Variants in ACTL6A observed in about 807,000 individuals in gnomAD.
ACTL6A encodes actin-like protein 6A.
Under a neutral mutation model 59.2 loss-of-function variants are expected in ACTL6A, and 5 were observed. That is an observed-to-expected ratio of 0.08 (90% CI 0.04 to 0.18). The LOEUF (loss-of-function observed/expected upper bound fraction) is 0.18, where lower values mean the gene tolerates loss of function less well. ACTL6A is among the 10% of genes least tolerant of loss of function. The pLI is 1.00. For synonymous variants in ACTL6A, 154 were observed against 171.8 expected, an observed-to-expected ratio of 0.90 and a Z score of 0.81; for missense variants, 285 against 526.9, an observed-to-expected ratio of 0.54 and a Z score of 4.49.
At chr3:179,567,203 T>C (rs1717863163) in intron 1 of ACTL6A, among the ~76,000 whole-genome samples, 2 of 152,004 alleles carry the variant, frequency 1.3e-5, no homozygotes, top group African/African-American at 2.4e-5. Context: ...CCATGTCTAC[T>C]AAAAATATAA....
intron 13 of ACTL6A, 33 bp downstream of exon 13, chr3:179,586,665 TTACTGAATTA>T (rs754745898): frequency 3.3e-6 from 5 of 1,493,650 alleles, no homozygotes. Context: ...AAAAATATTC[TTACTGAATTA>T]TACTAAATTT....
At chr3:179,586,752 G>T (rs111841757) in intron 13 of ACTL6A, 120 bp downstream of exon 13, 10 of 814,216 alleles carry the variant, frequency 1.2e-5, no homozygotes, top group Non-Finnish European at 1.9e-5. Context: ...TCAAATGAGT[G>T]GAAGACCTAA....
chr3:179,568,889 G>A (rs549971897), intron 1 of ACTL6A, among the ~76,000 whole-genome samples: 1 of 152,292 alleles, frequency 6.6e-6, no homozygotes, highest in South Asian at 2.1e-4. Flanking sequence ...GAGCTATTAT[G>A]TACATTTTAC....
chr3:179,573,507 G>GTTTTTTTTTTTTCTTTTTTTTTTTTTTT, intron 4 of ACTL6A, 38 bp downstream of exon 4: 1 of 962,818 alleles, frequency 1.0e-6, no homozygotes, highest in Non-Finnish European at 1.4e-6. Context: ...TTCTCTAGTT[G>GTTTTTTTTTTTTCTTTTTTTTTTTTTTT]TTTTTTTTTT....
At chr3:179,578,173 G>T (rs1718226467) in intron 8 of ACTL6A, among the ~76,000 whole-genome samples, 1 of 152,182 alleles carries the variant, frequency 6.6e-6, no homozygotes, top group African/African-American at 2.4e-5. Flanking sequence ...AGCTAAGTGG[G>T]GCCGGGTGCA....
chr3:179,576,765 T>C (rs1718178614), intron 7 of ACTL6A, 39 bp downstream of exon 7: 11 of 1,608,238 alleles, frequency 6.8e-6, no homozygotes, highest in Non-Finnish European at 9.4e-6. Flanking sequence ...AACTTACTTC[T>C]AGCTCCCCCA....
intron 11 of ACTL6A, among the ~76,000 whole-genome samples, chr3:179,581,865 GA>G (rs938031448): frequency 1.8e-4 from 27 of 152,162 alleles, no homozygotes; most frequent in African/African-American, 6.3e-4. Flanking sequence ...ATTGTTTCAG[GA>G]AAAAAATTGG....
intron 3 of ACTL6A, among the ~76,000 whole-genome samples, chr3:179,571,163 A>C (rs1717994662): frequency 1.3e-5 from 2 of 152,122 alleles, no homozygotes; most frequent in Non-Finnish European, 2.9e-5. Flanking sequence ...GCGCCTATAT[A>C]ATCCCAGCAC....
chr3:179,568,319 T>C (rs568978731), intron 1 of ACTL6A, among the ~76,000 whole-genome samples: 4 of 152,304 alleles, frequency 2.6e-5, no homozygotes, highest in African/African-American at 9.6e-5. Context: ...TATGTGATAT[T>C]ACTGTAATCA....
At chr3:179,573,345 C>G (rs757321454) in intron 3 of ACTL6A, 24 bp from the exon 4 acceptor site, 2 of 1,463,480 alleles carry the variant, frequency 1.4e-6, no homozygotes, top group Non-Finnish European at 1.9e-6. Context: ...GCATTATTTC[C>G]AAGTTACTAA....
At chr3:179,582,141 T>C (rs1718358000) in intron 11 of ACTL6A, among the ~76,000 whole-genome samples, 2 of 152,204 alleles carry the variant, frequency 1.3e-5, no homozygotes, top group South Asian at 2.1e-4. Flanking sequence ...TCTAGGACAA[T>C]AGTAGTATAA....
chr3:179,562,928 G>C lies in ACTL6A; in HGVS notation c.-165G>C. 2 of 830,180 alleles carry C rather than the reference G, an allele frequency of 2.4e-6. No individual in the cohort carries two copies. The highest frequency in any genetic ancestry group is 4.0e-6 in the Non-Finnish European group (2 of 502,988). 51.4% of individuals were successfully genotyped at this position (830,180 alleles called of 1,614,324 possible). A position where few individuals can be genotyped will look rare whatever the true frequency, so the allele number is the denominator to read the frequency against. On this transcript the variant is annotated 5_prime_UTR_variant, in exon 1 of 14. Coordinates refer to ENST00000429709, the MANE Select transcript of ACTL6A (RefSeq NM_004301.5). ...ATTGGCTGATAGGAGGAGCCAGCAA[G>C]TGTGGCTGAGCTCCGGGGTGTGTGG...
chr3:179,582,809 G>A (rs959675062), intron 11 of ACTL6A, among the ~76,000 whole-genome samples: 2 of 152,074 alleles, frequency 1.3e-5, no homozygotes, highest in African/African-American at 2.4e-5. Flanking sequence ...ATTATAAAAT[G>A]TACTTCTAAT....
Position 179,583,771 on chromosome 3 carries a change from G to A in ACTL6A, c.1122+323G>A, listed in dbSNP as rs773819400. 7.1e-5 allele frequency: 13 copies of A among 182,930 alleles called. No individual in the cohort carries two copies. The South Asian group carries it at 7.8e-4, about 11-fold the overall frequency. The allele number at this position is 182,930 out of a possible 1,614,324, so 11.3% of individuals were successfully genotyped here. ...TGTAACATGCTCAACAATTCAGTAT[G>A]TCATGAACGAGGTGCTGTTGGGAAC... On this transcript the variant is annotated intron_variant, in intron 12 of 13. Coordinates refer to ENST00000429709, the MANE Select transcript of ACTL6A (RefSeq NM_004301.5).
intron 1 of ACTL6A, 175 bp downstream of exon 1, chr3:179,563,292 C>T: frequency 6.3e-6 from 7 of 1,105,798 alleles, no homozygotes; most frequent in Middle Eastern, 3.1e-4. Context: ...CCACCCGGCT[C>T]GCCGTGCTCC....
chr3:179,575,275 G>A (rs750646211), intron 5 of ACTL6A: 6 of 413,592 alleles, frequency 1.5e-5, no homozygotes, highest in African/African-American at 2.1e-5. Flanking sequence ...TTGCTTCTTG[G>A]TCTTCCCACA....
Position 179,581,128 on chromosome 3 carries a change from C to T in ACTL6A, c.946-12C>T. ...GAGCTTCCATGTGACTACTTGTTTT[C>T]TTTTGTTGTAGGGGTTATCAGGAAA... On this transcript the variant is annotated splice_polypyrimidine_tract_variant and intron_variant, in intron 10 of 13. Coordinates refer to ENST00000429709, the MANE Select transcript of ACTL6A (RefSeq NM_004301.5). 6.2e-7 allele frequency: 1 copy of T among 1,613,468 alleles called. No homozygotes were observed. The highest frequency in any genetic ancestry group is 8.5e-7 in the Non-Finnish European group (1 of 1,179,444).
chr3:179,568,898 A>C (rs1032096761), intron 1 of ACTL6A, among the ~76,000 whole-genome samples: 4 of 152,192 alleles, frequency 2.6e-5, no homozygotes, highest in African/African-American at 9.6e-5. Flanking sequence ...TGTACATTTT[A>C]CATATTAGGA....
intron 7 of ACTL6A, 21 bp downstream of exon 7, chr3:179,576,747 C>T: frequency 6.2e-7 from 1 of 1,607,820 alleles, no homozygotes; most frequent in East Asian, 2.2e-5. Flanking sequence ...ATTGAATTTT[C>T]TTTGTAGAAC....
Sources: gnomAD v4.1 joint callset for allele counts (sites outside exome capture counted in the v4.1 genomes callset) on GRCh38, gnomAD v4.1.1 for gene constraint, MANE v1.5 for transcripts, NCBI Gene and HGNC (gene_info 2026-07-23, HGNC 2026-07-21) for gene names.